The following ZNF112 variants were observed in gnomAD, a reference collection of about 807,000 sequenced individuals.
The protein encoded by ZNF112 is zinc finger protein 112 (Y14).
Under a neutral mutation model 77.7 loss-of-function variants are expected in ZNF112, and 37 were observed. That is an observed-to-expected ratio of 0.48 (90% CI 0.37 to 0.63). The LOEUF (loss-of-function observed/expected upper bound fraction) is 0.63, where lower values mean the gene tolerates loss of function less well. Among genes scored for constraint, ZNF112 ranks in the 20% least tolerant of loss-of-function variants. The probability of loss-of-function intolerance (pLI) is 0.00; values close to 1 mark genes in which losing one functional copy is unlikely to be tolerated. For synonymous variants in ZNF112, 333 were observed against 363.6 expected (o/e 0.92, Z 0.96); for missense variants, 950 against 1,077.4 (o/e 0.88, Z 1.66).
At chr19:44,345,403 T>C (rs527321568) in intron 1 of ZNF112, among the ~76,000 whole-genome samples, 43 of 152,258 alleles carry the variant, frequency 2.8e-4, no homozygotes, top group African/African-American at 1.0e-3. Context: ...CTTGGAGCTG[T>C]CACTAAGAGG....
rs769473996 is a variant in ZNF112, at chr19:44,328,979, C to T, written c.1178G>A (p.Ser393Asn). ...YEENENVFNQ[S>N]SCLQVHQKIH... ...TTTTTGATGGACTTGAAGACATGAA[C>T]TCTGATTAAAGACATTCTCATTTTC... Residue 393 changes from serine to asparagine, a missense_variant, in exon 4 of 4, where the codon AGT becomes AAT. Ser to Asn is a conservative substitution (Grantham distance 46, BLOSUM62 1). This residue lies in a region of ZNF112 where 560 missense variants were observed against 557.3 expected (regional missense o/e 1.00). Coordinates refer to ENST00000354340, the MANE Select transcript of ZNF112 (RefSeq NM_013380.4). 18 of 1,613,828 alleles carry T rather than the reference C, an allele frequency of 1.1e-5. No homozygotes were observed. The Admixed American group carries it at 1.7e-4, about 15-fold the overall frequency.
intron 2 of ZNF112, among the ~76,000 whole-genome samples, 191 bp downstream of exon 2, chr19:44,340,225 T>C (rs1016198833): frequency 1.3e-5 from 2 of 152,134 alleles, no homozygotes; most frequent in African/African-American, 4.8e-5. Flanking sequence ...AGCAGGACCA[T>C]ATTTACTATT....
chr19:44,342,539 G>T (rs1397133025), intron 1 of ZNF112, among the ~76,000 whole-genome samples: 1 of 152,110 alleles, frequency 6.6e-6, no homozygotes, highest in Admixed American at 6.6e-5. Context: ...GAAAAGGGCC[G>T]GGCACGGTGG....
chr19:44,354,772 A>C (rs1054234662), intron 1 of ZNF112, among the ~76,000 whole-genome samples: 13 of 152,190 alleles, frequency 8.5e-5, no homozygotes, highest in Non-Finnish European at 1.6e-4. Context: ...GATTTAGATA[A>C]AGAGAAATAA....
At chr19:44,335,236 C>T (rs1970344828) in intron 3 of ZNF112, among the ~76,000 whole-genome samples, 2 of 152,324 alleles carry the variant, frequency 1.3e-5, no homozygotes, top group South Asian at 4.1e-4. Context: ...CCTGCAGCCC[C>T]TTTGTTTTGC....
At chr19:44,336,216 T>C (rs1487195412) in intron 3 of ZNF112, among the ~76,000 whole-genome samples, 2 of 152,212 alleles carry the variant, frequency 1.3e-5, no homozygotes, top group Non-Finnish European at 2.9e-5. Flanking sequence ...AACAGTATTC[T>C]AGAATACCCT....
chr19:44,340,271 T>C (rs145099373), intron 2 of ZNF112, 145 bp downstream of exon 2: 14,172 of 1,085,454 alleles, frequency 0.013, 143 homozygotes, highest in Middle Eastern at 0.027. Flanking sequence ...CAGAAACATC[T>C]TGTCTGTGTT....
chr19:44,339,890 G>A (rs907595572), intron 2 of ZNF112, among the ~76,000 whole-genome samples: 1 of 151,920 alleles, frequency 6.6e-6, no homozygotes, highest in South Asian at 2.1e-4. Context: ...CCCTCAAGTC[G>A]TTCAGAAAAA....
chr19:44,353,919 T>C (rs1479116515), intron 1 of ZNF112, among the ~76,000 whole-genome samples: 1 of 152,054 alleles, frequency 6.6e-6, no homozygotes, highest in Non-Finnish European at 1.5e-5. Flanking sequence ...TGTACATGAA[T>C]GTTTATATCA....
chr19:44,336,636 T>C lies in ZNF112; in HGVS notation c.207A>G (p.Arg69=), dbSNP rs2571104. 1,032,821 of 1,612,574 alleles carry C rather than the reference T, an allele frequency of 0.64. 332,669 individuals are homozygous for C. Among genetic ancestry groups the C allele is most frequent in the Admixed American group, 0.76 (45,569 of 60,000 alleles). Residue 69 remains arginine, a synonymous_variant, in exon 3 of 4, where the codon AGA becomes AGG. Transcript: ENST00000354340. ...KLLMVETETP[R]DGCSGRKNQQ... Reference sequence around the variant, plus strand: ...CACAGTTCTCACCTGAACATCCATCTCTTGGGGTTTCTGTCTCCACCATCA... The same window carrying C: ...CACAGTTCTCACCTGAACATCCATCCCTTGGGGTTTCTGTCTCCACCATCA...
chr19:44,360,544 A>C (rs890177922), upstream of ZNF112, among the ~76,000 whole-genome samples: 1 of 152,230 alleles, frequency 6.6e-6, no homozygotes, highest in African/African-American at 2.4e-5. Context: ...TGTCCACCCC[A>C]ATCATTTCTA....
In ZNF112 at chr19:44,340,883, TAC is replaced by T. The variant is rs201909065; in HGVS notation, c.-3-343_-3-342del. On this transcript the variant is annotated intron_variant, in intron 1 of 3. Coordinates refer to ENST00000354340, the MANE Select transcript of ZNF112 (RefSeq NM_013380.4). ...CTGATGCTACCTGTTTCTCCTCATTTACACACACACACATCACTTATTTAATT... is the reference window on the plus strand; with the variant it reads ...CTGATGCTACCTGTTTCTCCTCATTTACACACACACATCACTTATTTAATT... Among the ~76,000 whole-genome samples, 552 of 152,220 alleles carry T rather than the reference TAC, an allele frequency of 3.6e-3. 4 individuals are homozygous for T. Among genetic ancestry groups the T allele is most frequent in the African/African-American group, 0.013 (536 of 41,552 alleles).
intron 1 of ZNF112, among the ~76,000 whole-genome samples, chr19:44,365,984 A>C (rs1970900367): frequency 6.6e-6 from 1 of 152,218 alleles, no homozygotes; most frequent in South Asian, 2.1e-4. Flanking sequence ...CAGAGCCTTC[A>C]TTACAAAATG....
At chr19:44,332,196 A>G (rs982283286) in intron 3 of ZNF112, among the ~76,000 whole-genome samples, 1 of 152,186 alleles carries the variant, frequency 6.6e-6, no homozygotes, top group Non-Finnish European at 1.5e-5. Flanking sequence ...CTCTGTCTCA[A>G]AAAAACCCAA....
At position 44,328,310 on chromosome 19, in the gene ZNF112, G is replaced by T; in HGVS notation, c.1847C>A (p.Ser616Ter). Residue 616 changes from serine (S) to a stop codon, truncating the protein, a stop_gained, in exon 4 of 4, where the codon TCA becomes TAA. Transcript: ENST00000354340. LOFTEE classifies it high-confidence loss of function. ...GACTCTCTGATGGCCTTGAAGGTGT[G>T]AACTCCGACTGAAGCCCTTCCCACA... Reference protein sequence around the residue: ...EECGKGFSRSSHLQGHQRVHT... With the variant: ...EECGKGFSRS The T allele has an allele frequency of 6.2e-7, 1 of 1,614,004 alleles. No homozygotes were observed. The highest frequency in any genetic ancestry group is 8.5e-7 in the Non-Finnish European group (1 of 1,179,974).
In ZNF112 at chr19:44,329,454, T is replaced by A. The variant is rs112908031; in HGVS notation, c.703A>T (p.Met235Leu). The A allele has an allele frequency of 6.2e-7, 1 of 1,613,942 alleles. No homozygotes were observed. Among genetic ancestry groups the A allele is most frequent in the Non-Finnish European group, 8.5e-7 (1 of 1,179,842 alleles). Residue 235 changes from methionine to leucine, a missense_variant, in exon 4 of 4, where the codon ATG (methionine) becomes TTG (leucine). Met to Leu is a conservative substitution (Grantham distance 15). This residue lies in a region of ZNF112 where 560 missense variants were observed against 557.3 expected (regional missense o/e 1.00). Coordinates refer to ENST00000354340, the MANE Select transcript of ZNF112 (RefSeq NM_013380.4). ...TCCTGATTAAGTAATGATACCTTCATGATATCTTCTCCACAGTCATGGCAG... is the reference window on the plus strand; with the variant it reads ...TCCTGATTAAGTAATGATACCTTCAAGATATCTTCTCCACAGTCATGGCAG... The part of the protein sequence containing the change: ...YSCHDCGEDI[M>L]KVSLLNQESI...
At chr19:44,330,180 T>C (rs1450637043) in intron 3 of ZNF112, among the ~76,000 whole-genome samples, 1 of 152,188 alleles carries the variant, frequency 6.6e-6, no homozygotes, top group African/African-American at 2.4e-5. Flanking sequence ...ATGTTCTACA[T>C]GATGTTCAAA....
chr19:44,347,565 A>T, intron 1 of ZNF112, among the ~76,000 whole-genome samples: 2 of 92,410 alleles, frequency 2.2e-5, no homozygotes, highest in African/African-American at 3.7e-5. Flanking sequence ...TTTTTTTTCC[A>T]GTGGTTGCTC....
intron 1 of ZNF112, among the ~76,000 whole-genome samples, chr19:44,363,311 C>T (rs561871509): frequency 6.6e-6 from 1 of 152,268 alleles, no homozygotes; most frequent in Admixed American, 6.5e-5. Flanking sequence ...AAGAATTATA[C>T]AGTAGTCACC....
Sources: gnomAD v4.1 joint callset for allele counts (sites outside exome capture counted in the v4.1 genomes callset) on GRCh38, gnomAD v4.1.1 for gene constraint, gnomAD v4.1.1 regional missense constraint, MANE v1.5 for transcripts, NCBI Gene and HGNC (gene_info 2026-07-23, HGNC 2026-07-21) for gene names.